Variants in TAFA2 observed in about 807,000 individuals in gnomAD.
The protein encoded by TAFA2 is chemokine-like protein TAFA-2.
In TAFA2, 7 loss-of-function variants were observed where a neutral mutation model predicts 18.8. That is an observed-to-expected ratio of 0.37 (90% confidence interval 0.21 to 0.70). The LOEUF is 0.70. TAFA2 is among the 30% of genes least tolerant of loss of function. The pLI, the probability that TAFA2 is intolerant of heterozygous loss-of-function variation, is 0.53. For missense variants in TAFA2, 122 were observed against 158.1 expected, an observed-to-expected ratio of 0.77 and a Z score of 1.23; for synonymous variants, 60 against 54.2, an observed-to-expected ratio of 1.11 and a Z score of -0.47.
At chr12:61,757,599 G>A (rs904977982) in intron 2 of TAFA2, among the ~76,000 whole-genome samples, 17 of 151,860 alleles carry the variant, frequency 1.1e-4, no homozygotes, top group Non-Finnish European at 2.1e-4. Flanking sequence ...AGATTACCAC[G>A]GAAAAGGTTT....
At chr12:61,735,530 A>T (rs192225145) in intron 4 of TAFA2, among the ~76,000 whole-genome samples, 90 of 152,150 alleles carry the variant, frequency 5.9e-4, no homozygotes, top group African/African-American at 2.0e-3. Flanking sequence ...TTGCTTTTTA[A>T]TTGAATTATT....
intron 2 of TAFA2, among the ~76,000 whole-genome samples, chr12:61,807,655 C>T (rs1871677635): frequency 6.6e-6 from 1 of 151,446 alleles, no homozygotes; most frequent in African/African-American, 2.5e-5. Context: ...AGGAAGGAGG[C>T]TGTACCTTGC....
chr12:61,960,584 AC>A (rs1197628856), intron 1 of TAFA2, among the ~76,000 whole-genome samples: 6 of 152,134 alleles, frequency 3.9e-5, no homozygotes, highest in African/African-American at 1.4e-4. Flanking sequence ...TGATTATTCA[AC>A]TACAATTTAG....
chr12:62,033,736 A>T (rs1592562222), intron 1 of TAFA2, among the ~76,000 whole-genome samples: 1 of 151,958 alleles, frequency 6.6e-6, no homozygotes, highest in African/African-American at 2.4e-5. Context: ...CTCATATATG[A>T]GTGTTCAGCC....
chr12:61,814,051 G>A (rs1177376526), intron 2 of TAFA2, among the ~76,000 whole-genome samples: 1 of 151,400 alleles, frequency 6.6e-6, no homozygotes. Context: ...GGCACACACT[G>A]TATGCAAACA....
chr12:61,901,931 T>C (rs187378411), intron 1 of TAFA2, among the ~76,000 whole-genome samples: 2 of 152,266 alleles, frequency 1.3e-5, no homozygotes, highest in East Asian at 1.9e-4. Context: ...TCTTATTCAT[T>C]GCACATGACT....
chr12:61,903,865 T>C (rs989576479), intron 1 of TAFA2, among the ~76,000 whole-genome samples: 5 of 152,168 alleles, frequency 3.3e-5, no homozygotes, highest in African/African-American at 1.2e-4. Flanking sequence ...CCCTCTTCTT[T>C]ACAAAGTCAA....
At chr12:61,841,166 C>T (rs1341486480) in intron 2 of TAFA2, among the ~76,000 whole-genome samples, 1 of 152,188 alleles carries the variant, frequency 6.6e-6, no homozygotes, top group East Asian at 1.9e-4. Flanking sequence ...CTATATCCAC[C>T]ATGGACAATG....
At chr12:62,027,856 C>T (rs1406467826) in intron 1 of TAFA2, among the ~76,000 whole-genome samples, 1 of 152,130 alleles carries the variant, frequency 6.6e-6, no homozygotes, top group Non-Finnish European at 1.5e-5. Flanking sequence ...AGTTTAATTG[C>T]CATGTTTTGC....
At chr12:62,125,271 A>T (rs1274843502) in intron 1 of TAFA2, among the ~76,000 whole-genome samples, 1 of 152,114 alleles carries the variant, frequency 6.6e-6, no homozygotes, top group African/African-American at 2.4e-5. Flanking sequence ...CCAGGGACTG[A>T]CTGATTGAAA....
At chr12:62,040,529 G>A (rs529803612) in intron 1 of TAFA2, among the ~76,000 whole-genome samples, 26 of 152,146 alleles carry the variant, frequency 1.7e-4, no homozygotes, top group Non-Finnish European at 3.1e-4. Context: ...AGACAGTCAC[G>A]CAACTAGAAG....
chr12:61,808,865 T>C (rs1475466263), intron 2 of TAFA2, among the ~76,000 whole-genome samples: 2 of 151,492 alleles, frequency 1.3e-5, no homozygotes, highest in African/African-American at 4.9e-5. Flanking sequence ...TTAACAACTA[T>C]ATCAAATCTG....
chr12:61,877,958 T>C (rs180924146), intron 1 of TAFA2: 2 of 426,734 alleles, frequency 4.7e-6, no homozygotes, highest in Non-Finnish European at 9.3e-6. Flanking sequence ...TACATATATA[T>C]ACACACACAG....
At chr12:61,854,860 G>A (rs926514806) in intron 2 of TAFA2, among the ~76,000 whole-genome samples, 12 of 152,088 alleles carry the variant, frequency 7.9e-5, no homozygotes, top group African/African-American at 2.9e-4. Flanking sequence ...TCACCAAAAT[G>A]AAACAGTAAA....
chr12:61,890,534 T>C (rs1219973809), intron 1 of TAFA2: 1 of 152,220 alleles, frequency 6.6e-6, no homozygotes, highest in Non-Finnish European at 1.5e-5. Flanking sequence ...AATGTCTATA[T>C]AAAAAGCAAA....
At chr12:62,228,987 G>T (rs2062800457) in intron 1 of TAFA2, among the ~76,000 whole-genome samples, 1 of 151,910 alleles carries the variant, frequency 6.6e-6, no homozygotes, top group African/African-American at 2.4e-5. Context: ...TACTATAAAT[G>T]GAATTATTCT....
At chr12:61,941,610 C>A (rs1355100929) in intron 1 of TAFA2, among the ~76,000 whole-genome samples, 1 of 152,168 alleles carries the variant, frequency 6.6e-6, no homozygotes, top group Non-Finnish European at 1.5e-5. Flanking sequence ...CGTGCGTGAG[C>A]CGAAGCAGGG....
intron 1 of TAFA2, among the ~76,000 whole-genome samples, chr12:62,006,222 G>A (rs1042319268): frequency 6.6e-6 from 1 of 152,144 alleles, no homozygotes; most frequent in Admixed American, 6.5e-5. Flanking sequence ...AAGTTTATCA[G>A]TGGTTTGTTT....
chr12:61,955,559 G>A (rs1465887035), intron 1 of TAFA2, among the ~76,000 whole-genome samples: 12 of 116,052 alleles, frequency 1.0e-4, no homozygotes, highest in Admixed American at 2.4e-4. Context: ...CTAAGATCAC[G>A]CCACTGCACT....
Sources: allele counts gnomAD v4.1 joint callset (sites outside exome capture counted in the v4.1 genomes callset), GRCh38; gene constraint gnomAD v4.1.1; transcripts MANE v1.5; gene names NCBI Gene and HGNC (gene_info 2026-07-23, HGNC 2026-07-21).